The following PTPRB variants were observed in gnomAD, a reference collection of about 807,000 sequenced individuals.
PTPRB encodes protein tyrosine phosphatase receptor type B.
A neutral mutation model predicts 238.1 loss-of-function variants in PTPRB; 97 were observed. The ratio of observed to expected loss-of-function variants is 0.41; its 90% CI spans 0.35 to 0.48. The LOEUF (loss-of-function observed/expected upper bound fraction) is 0.48. PTPRB is among the 20% of genes least tolerant of loss of function. PTPRB has a pLI of 0.30. For missense variants in PTPRB, 2,292 were observed against 2,681.9 expected (o/e 0.85, Z 3.21); for synonymous variants, 970 against 995.4 (o/e 0.97, Z 0.48).
intron 3 of PTPRB, among the ~76,000 whole-genome samples, chr12:70,617,185 A>G (rs555894493): frequency 9.8e-5 from 15 of 152,358 alleles, no homozygotes; most frequent in Non-Finnish European, 2.2e-4. Context: ...ATGAAAGAGA[A>G]TAAAAATCCT....
intron 13 of PTPRB, 109 bp from the exon 14 acceptor site, chr12:70,570,047 A>C: frequency 1.6e-5 from 17 of 1,032,314 alleles, no homozygotes; most frequent in Non-Finnish European, 2.0e-5. Flanking sequence ...GAGAGAACTC[A>C]CATGAAAAAG....
At chr12:70,531,567 C>T (rs923668375) in intron 32 of PTPRB, among the ~76,000 whole-genome samples, 1 of 152,038 alleles carries the variant, frequency 6.6e-6, no homozygotes, top group African/African-American at 2.4e-5. Context: ...TTTGGACCTT[C>T]ATTTTCTAGT....
Position 70,519,730 on chromosome 12 carries a change from G to A in PTPRB, c.*1759C>T, listed in dbSNP as rs1871473795. 6.5e-6 allele frequency: 1 copy of A among 152,992 alleles called. No individual in the cohort carries two copies. The highest frequency in any genetic ancestry group is 2.1e-4 in the South Asian group (1 of 4,850). 9.5% of individuals were successfully genotyped at this position (152,992 alleles called of 1,614,324 possible). A position where few individuals can be genotyped will look rare whatever the true frequency, so the allele number is the denominator to read the frequency against. On this transcript the variant is annotated 3_prime_UTR_variant, in exon 34 of 34. Transcript: ENST00000334414. ...GTACATCTACTGCACTTACACATAT[G>A]TTGTTCCTTTTCATTTCCAGAAGAT...
chr12:70,542,599 T>C (rs2136264763), intron 22 of PTPRB: 1 of 139,806 alleles, frequency 7.2e-6, no homozygotes, highest in African/African-American at 2.7e-5. Context: ...AATATATATA[T>C]ATATATGGCC....
At chr12:70,533,137 G>A (rs751619741) in intron 31 of PTPRB, among the ~76,000 whole-genome samples, 23 of 152,146 alleles carry the variant, frequency 1.5e-4, no homozygotes, top group Admixed American at 6.6e-4. Flanking sequence ...AGCTGCACTA[G>A]GGATTGCCAA....
At chr12:70,634,234 T>C (rs1193138987) in intron 2 of PTPRB, among the ~76,000 whole-genome samples, 5 of 152,110 alleles carry the variant, frequency 3.3e-5, no homozygotes, top group African/African-American at 1.2e-4. Flanking sequence ...ATTACCATGG[T>C]GGAAAGACTA....
intron 4 of PTPRB, among the ~76,000 whole-genome samples, chr12:70,606,955 A>C (rs1883998235): frequency 6.6e-6 from 1 of 152,238 alleles, no homozygotes. Flanking sequence ...GCAGCTCATA[A>C]TATTTGTAGA....
intron 8 of PTPRB, 131 bp from the exon 9 acceptor site, chr12:70,587,398 C>T: frequency 9.0e-7 from 1 of 1,108,342 alleles, no homozygotes; most frequent in African/African-American, 1.6e-5. Context: ...TGTCTCTGAG[C>T]ATTAAAACAA....
At chr12:70,575,960 G>T (rs549650752) in intron 11 of PTPRB, among the ~76,000 whole-genome samples, 1 of 152,100 alleles carries the variant, frequency 6.6e-6, no homozygotes, top group Admixed American at 6.6e-5. Context: ...TTCAGAACTG[G>T]GTTTAAAACC....
intron 4 of PTPRB, among the ~76,000 whole-genome samples, chr12:70,605,106 G>A (rs1463000637): frequency 6.6e-6 from 1 of 152,090 alleles, no homozygotes. Flanking sequence ...TCATTTGAGA[G>A]GTTTTGTTTT....
At chr12:70,526,679 A>AGTCT (rs879563499) in intron 32 of PTPRB, among the ~76,000 whole-genome samples, 8 of 152,232 alleles carry the variant, frequency 5.3e-5, no homozygotes, top group Non-Finnish European at 1.0e-4. Flanking sequence ...AGTATAAAGC[A>AGTCT]GTCTCTTTTT....
intron 19 of PTPRB, among the ~76,000 whole-genome samples, chr12:70,555,651 A>G (rs571511998): frequency 6.6e-6 from 1 of 152,268 alleles, no homozygotes; most frequent in Non-Finnish European, 1.5e-5. Context: ...CAGGTACTTT[A>G]AGACCATCTA....
chr12:70,580,519 T>C (rs1285045542), intron 10 of PTPRB, among the ~76,000 whole-genome samples: 2 of 152,152 alleles, frequency 1.3e-5, no homozygotes, highest in African/African-American at 4.8e-5. Flanking sequence ...ACATGTTCAT[T>C]GGAGATGTTA....
chr12:70,533,618 C>T lies in PTPRB; in HGVS notation c.6368+870G>A, dbSNP rs441654. Among the ~76,000 whole-genome samples, 1,080 of 152,232 alleles carry T rather than the reference C, an allele frequency of 7.1e-3. 13 individuals carry two copies. Among genetic ancestry groups the T allele is most frequent in the African/African-American group, 0.024 (1,017 of 41,536 alleles). ...TGCTGTGGTTTGAATGTTTGTGTCC[C>T]CTCCAAAAATTCATGTTGAAACTTA... On this transcript the variant is annotated intron_variant, in intron 31 of 33. Coordinates refer to ENST00000334414, the MANE Select transcript of PTPRB (RefSeq NM_001109754.4).
At chr12:70,535,311 T>TAAAGA (rs1373988406) in intron 29 of PTPRB, among the ~76,000 whole-genome samples, 2 of 143,312 alleles carry the variant, frequency 1.4e-5, no homozygotes, top group Non-Finnish European at 3.0e-5. Flanking sequence ...TTGTTCTTTC[T>TAAAGA]AAAGAAAGAA....
At position 70,546,475 on chromosome 12, in the gene PTPRB, C is replaced by T. The variant is rs576644224; in HGVS notation, c.5388-1812G>A. The stretch of plus-strand genomic sequence containing the variant: ...TCAGCCCAGTCTGGAGAGCTGCACT[C>T]AATTTCTGGGGGCATATTTTAGGAT... On this transcript the variant is annotated intron_variant, in intron 21 of 33. Coordinates refer to ENST00000334414, the MANE Select transcript of PTPRB (RefSeq NM_001109754.4). Among the ~76,000 whole-genome samples, 4 of 152,264 alleles carry T rather than the reference C, an allele frequency of 2.6e-5. No individual in the cohort carries two copies. The East Asian group carries it at 5.8e-4, about 22-fold the overall frequency.
chr12:70,544,493 C>G (rs1592434278), intron 22 of PTPRB, 64 bp downstream of exon 22: 1 of 1,120,894 alleles, frequency 8.9e-7, no homozygotes, highest in East Asian at 2.4e-5. Flanking sequence ...CCAATATCTC[C>G]CCATTAGAGG....
Position 70,576,592 on chromosome 12 carries a change from G to A in PTPRB, c.2632C>T (p.Leu878Phe). The A allele has an allele frequency of 6.5e-7, 1 of 1,531,050 alleles. No individual in the cohort carries two copies. The highest frequency in any genetic ancestry group is 8.8e-7 in the Non-Finnish European group (1 of 1,137,754). The allele number at this position is 1,531,050 out of a possible 1,614,324, so 94.8% of individuals were successfully genotyped here. A position where few individuals can be genotyped will look rare whatever the true frequency, so the allele number is the denominator to read the frequency against. ...TVNNSGRNDY[L>F]SVSWLLAPGD... ...GGCGCCAGCAGCCAGGAAACGCTGA[G>A]GTAGTCATTACGACCGGAATTGTTC... Residue 878 changes from leucine (L) to phenylalanine (F), a missense_variant, in exon 11 of 34, where the codon CTC (leucine) becomes TTC (phenylalanine). Coordinates refer to ENST00000334414, the MANE Select transcript of PTPRB (RefSeq NM_001109754.4).
chr12:70,596,842 C>T (rs1394778979), intron 4 of PTPRB, among the ~76,000 whole-genome samples: 1 of 151,880 alleles, frequency 6.6e-6, no homozygotes, highest in Non-Finnish European at 1.5e-5. Flanking sequence ...AAAAGATACA[C>T]ATCTGATTAT....
Sources: allele counts gnomAD v4.1 joint callset (sites outside exome capture counted in the v4.1 genomes callset), GRCh38; gene constraint gnomAD v4.1.1; transcripts MANE v1.5; gene names NCBI Gene and HGNC (gene_info 2026-07-23, HGNC 2026-07-21).